The following IQCM variants were observed in gnomAD, a reference collection of about 807,000 sequenced individuals.
IQCM encodes IQ motif containing M, also known as IQ domain-containing protein M.
A neutral mutation model predicts 57.6 loss-of-function variants in IQCM; 45 were observed. That is an observed-to-expected ratio of 0.78 (90% CI 0.62 to 1.00). The LOEUF (loss-of-function observed/expected upper bound fraction) is 1.00, where lower values mean the gene tolerates loss of function less well. Among genes scored for constraint, IQCM ranks in the 50% least tolerant of loss-of-function variants. IQCM has a pLI of 0.00. For missense variants in IQCM, 468 were observed against 511.6 expected (o/e 0.91, Z 0.82); for synonymous variants, 148 against 158.9 (o/e 0.93, Z 0.51).
At chr4:149,652,071 A>T (rs1308655097) in intron 7 of IQCM, among the ~76,000 whole-genome samples, 1 of 152,168 alleles carries the variant, frequency 6.6e-6, no homozygotes, top group Non-Finnish European at 1.5e-5. Context: ...TCAATAATAG[A>T]CTGGATAAAG....
At chr4:149,441,387 A>G (rs1735925081) in intron 12 of IQCM, among the ~76,000 whole-genome samples, 1 of 152,152 alleles carries the variant, frequency 6.6e-6, no homozygotes. Context: ...AGCAATTCCT[A>G]TTCAAAATGA....
intron 7 of IQCM, among the ~76,000 whole-genome samples, chr4:149,637,149 C>CAA (rs758838297): frequency 7.7e-5 from 3 of 38,892 alleles, no homozygotes; most frequent in African/African-American, 9.6e-5. Flanking sequence ...GACTCCGTCT[C>CAA]AAAAAAAAAA....
At chr4:149,511,151 T>C (rs962170196) in intron 12 of IQCM, among the ~76,000 whole-genome samples, 1 of 152,178 alleles carries the variant, frequency 6.6e-6, no homozygotes, top group Non-Finnish European at 1.5e-5. Flanking sequence ...TCTTCCTTTC[T>C]CTCCCTCATC....
chr4:149,672,571 TAGAGAAAAA>T (rs1761394386), intron 7 of IQCM, among the ~76,000 whole-genome samples: 1 of 151,910 alleles, frequency 6.6e-6, no homozygotes, highest in South Asian at 2.1e-4. Flanking sequence ...AAGAGAAGTT[TAGAGAAAAA>T]AGAGTAAAAA....
At chr4:149,669,973 T>C (rs546688527) in intron 7 of IQCM, among the ~76,000 whole-genome samples, 11 of 152,318 alleles carry the variant, frequency 7.2e-5, no homozygotes, top group African/African-American at 2.6e-4. Flanking sequence ...CTTTTTTGGT[T>C]GCATATGAAC....
At chr4:149,553,809 C>T (rs141155190) in intron 10 of IQCM, among the ~76,000 whole-genome samples, 2 of 152,152 alleles carry the variant, frequency 1.3e-5, no homozygotes, top group Non-Finnish European at 2.9e-5. Flanking sequence ...CCCTTTTCAG[C>T]GTATGTGCAA....
intron 5 of IQCM, among the ~76,000 whole-genome samples, chr4:149,706,894 A>G (rs1232000473): frequency 6.6e-6 from 1 of 151,992 alleles, no homozygotes; most frequent in Non-Finnish European, 1.5e-5. Flanking sequence ...TTTTATTTCT[A>G]CAATTCTACA....
chr4:149,638,780 G>A (rs1327401575), intron 7 of IQCM, among the ~76,000 whole-genome samples: 1 of 152,142 alleles, frequency 6.6e-6, no homozygotes, highest in Non-Finnish European at 1.5e-5. Context: ...TTCCAAAATA[G>A]TGGATGTGAG....
Position 149,724,137 on chromosome 4 carries a change from T to A in IQCM, c.385+9107A>T, listed in dbSNP as rs10016880. Reference sequence around the variant, plus strand: ...TATTTCTGTACTACAGCATTTTAAATAAGGGACTTGAGCATCTGCCAATTT... The same window carrying A: ...TATTTCTGTACTACAGCATTTTAAAAAAGGGACTTGAGCATCTGCCAATTT... On this transcript the variant is annotated intron_variant, in intron 5 of 13. Coordinates refer to ENST00000636793, the MANE Select transcript of IQCM (RefSeq NM_001363507.2). Among the ~76,000 whole-genome samples the A allele has an allele frequency of 5.6e-3, 850 of 152,116 alleles. 11 individuals carry two copies. Among genetic ancestry groups the A allele is most frequent in the African/African-American group, 0.015 (639 of 41,542 alleles).
intron 12 of IQCM, among the ~76,000 whole-genome samples, chr4:149,542,049 C>T (rs1239617568): frequency 6.6e-6 from 1 of 151,886 alleles, no homozygotes; most frequent in East Asian, 1.9e-4. Flanking sequence ...AATTTAGCTC[C>T]TTTTTGTATC....
At chr4:149,636,595 G>GC (rs1169588397) in intron 7 of IQCM, among the ~76,000 whole-genome samples, 1 of 152,114 alleles carries the variant, frequency 6.6e-6, no homozygotes, top group Non-Finnish European at 1.5e-5. Context: ...CCTCTACACT[G>GC]ATAGCAGGCA....
chr4:149,661,779 T>C (rs963338890), intron 7 of IQCM, among the ~76,000 whole-genome samples: 1 of 152,124 alleles, frequency 6.6e-6, no homozygotes, highest in Admixed American at 6.6e-5. Context: ...TTTGTATTTC[T>C]GTGGTATCAA....
intron 13 of IQCM, among the ~76,000 whole-genome samples, chr4:149,356,215 G>GT (rs1728967141): frequency 6.6e-6 from 1 of 152,092 alleles, no homozygotes; most frequent in South Asian, 2.1e-4. Context: ...TCTGATGGTG[G>GT]TTTCTTTTGC....
chr4:149,603,337 A>G (rs1754483819), intron 8 of IQCM, among the ~76,000 whole-genome samples: 1 of 152,226 alleles, frequency 6.6e-6, no homozygotes, highest in African/African-American at 2.4e-5. Context: ...TTGGTTCAAG[A>G]GTAAAACTGG....
intron 7 of IQCM, among the ~76,000 whole-genome samples, chr4:149,681,043 G>A (rs541874189): frequency 1.3e-5 from 2 of 151,340 alleles, no homozygotes; most frequent in South Asian, 2.1e-4. Context: ...AGACTGAGGC[G>A]TTCATAAACC....
chr4:149,583,557 C>T (rs997213485), intron 9 of IQCM, among the ~76,000 whole-genome samples: 4 of 151,404 alleles, frequency 2.6e-5, no homozygotes, highest in African/African-American at 9.7e-5. Context: ...TAGTAATCTA[C>T]AAAGCATTAG....
intron 12 of IQCM, among the ~76,000 whole-genome samples, chr4:149,522,417 A>G (rs1745746830): frequency 6.6e-6 from 1 of 152,250 alleles, no homozygotes; most frequent in African/African-American, 2.4e-5. Flanking sequence ...AGAATAGAAG[A>G]GATGGAGACA....
chr4:149,672,795 C>T (rs778653042), intron 7 of IQCM, among the ~76,000 whole-genome samples: 4 of 151,954 alleles, frequency 2.6e-5, no homozygotes, highest in Non-Finnish European at 5.9e-5. Context: ...AGATACTCCT[C>T]GAGAAGAGCA....
At chr4:149,762,088 G>A (rs2149965390) in intron 2 of IQCM, among the ~76,000 whole-genome samples, 1 of 152,068 alleles carries the variant, frequency 6.6e-6, no homozygotes, top group Middle Eastern at 3.4e-3. Context: ...CATCAATTAG[G>A]ACAATATCTC....
Sources: allele counts gnomAD v4.1 joint callset (sites outside exome capture counted in the v4.1 genomes callset), GRCh38; gene constraint gnomAD v4.1.1; transcripts MANE v1.5; gene names NCBI Gene and HGNC (gene_info 2026-07-23, HGNC 2026-07-21).